Variants in SPATA13 observed in about 807,000 individuals in gnomAD.
The protein encoded by SPATA13 is spermatogenesis-associated protein 13.
Under a neutral mutation model 104.0 loss-of-function variants are expected in SPATA13, and 50 were observed. The ratio of observed to expected loss-of-function variants is 0.48; its 90% CI spans 0.38 to 0.61. The LOEUF (loss-of-function observed/expected upper bound fraction) is 0.61. Among genes scored for constraint, SPATA13 ranks in the 20% least tolerant of loss-of-function variants. SPATA13 has a pLI of 0.00. For missense variants in SPATA13, 1,524 were observed against 1,690.6 expected, an observed-to-expected ratio of 0.90 and a Z score of 1.73; for synonymous variants, 606 against 667.5, an observed-to-expected ratio of 0.91 and a Z score of 1.42.
intron 2 of SPATA13, among the ~76,000 whole-genome samples, chr13:23,984,818 TA>T (rs554387403): frequency 9.9e-4 from 151 of 152,344 alleles, no homozygotes; most frequent in African/African-American, 3.5e-3. Flanking sequence ...TGTGCATACT[TA>T]ATTAGAACAG....
intron 9 of SPATA13, among the ~76,000 whole-genome samples, chr13:24,292,686 G>A (rs544135772): frequency 6.6e-6 from 1 of 152,092 alleles, no homozygotes; most frequent in South Asian, 2.1e-4. Context: ...GAACTCCTGT[G>A]GAGAGACAGA....
chr13:24,194,697 T>G (rs1869953688), intron 1 of SPATA13, among the ~76,000 whole-genome samples: 1 of 152,214 alleles, frequency 6.6e-6, no homozygotes, highest in Non-Finnish European at 1.5e-5. Flanking sequence ...CTAACACTGT[T>G]TATTCTATGG....
In SPATA13 at chr13:24,051,260, G is replaced by A. The variant is rs1222561906; in HGVS notation, c.-112+33559G>A. Among the ~76,000 whole-genome samples the A allele has an allele frequency of 6.6e-6, 1 of 152,228 alleles. No homozygotes were observed. Among genetic ancestry groups the A allele is most frequent in the African/African-American group, 2.4e-5 (1 of 41,456 alleles). On this transcript the variant is annotated intron_variant, in intron 3 of 14. Coordinates refer to the SPATA13 transcript ENST00000424834. This position sits in a 1 kb window ranked among gnomAD's most constrained non-coding sequence, Gnocchi z 4.2. ...TCCAAGAGGACATGAACAGCAGGAAGTGATTTCCAATCACGTTGGACATGC... is the reference window on the plus strand; with the variant it reads ...TCCAAGAGGACATGAACAGCAGGAAATGATTTCCAATCACGTTGGACATGC...
In SPATA13 at chr13:24,058,398, A is replaced by G. The variant is rs1490548283; in HGVS notation, c.-112+40697A>G. ...AATCCCTTCAGCAGGGAATTCTGAT[A>G]TCTCCATTTTATGACTGAGAAAATT... On this transcript the variant is annotated intron_variant, in intron 3 of 14. Transcript: ENST00000424834. Among the ~76,000 whole-genome samples the G allele has an allele frequency of 1.3e-5, 2 of 151,900 alleles. 1 individual carries two copies. The highest frequency in any genetic ancestry group is 2.9e-5 in the Non-Finnish European group (2 of 67,894).
At chr13:24,122,750 C>T (rs1881077972) in intron 3 of SPATA13, 1 of 835,716 alleles carries the variant, frequency 1.2e-6, no homozygotes, top group Non-Finnish European at 2.1e-6. Context: ...AGCCATCTTG[C>T]TGGAAGACTT....
chr13:24,299,461 C>T (rs188231813), intron 11 of SPATA13, among the ~76,000 whole-genome samples: 1 of 152,330 alleles, frequency 6.6e-6, no homozygotes, highest in African/African-American at 2.4e-5. Flanking sequence ...GTAGAAGCTT[C>T]AGGTAGCAGA....
chr13:24,089,703 T>C (rs1879852488), intron 3 of SPATA13, among the ~76,000 whole-genome samples: 1 of 152,240 alleles, frequency 6.6e-6, no homozygotes, highest in Admixed American at 6.5e-5. Flanking sequence ...TTGTCATTTA[T>C]CTGAAATTCA....
chr13:24,028,067 A>AT (rs1877315943), intron 3 of SPATA13, among the ~76,000 whole-genome samples: 1 of 152,266 alleles, frequency 6.6e-6, no homozygotes, highest in African/African-American at 2.4e-5. Flanking sequence ...ATTTCCAAAC[A>AT]TATAGCCATA....
At chr13:24,093,090 C>T (rs1393049844) in intron 3 of SPATA13, among the ~76,000 whole-genome samples, 1 of 152,180 alleles carries the variant, frequency 6.6e-6, no homozygotes, top group Non-Finnish European at 1.5e-5. Context: ...GAATTGTTTT[C>T]CAAAGCCAAT....
At chr13:24,117,144 A>AT (rs1426093987) in intron 3 of SPATA13, among the ~76,000 whole-genome samples, 1 of 152,250 alleles carries the variant, frequency 6.6e-6, no homozygotes, top group African/African-American at 2.4e-5. Context: ...TTTTACATTT[A>AT]TAAAAACAAA....
At chr13:23,999,319 A>G (rs1875838446) in intron 2 of SPATA13, among the ~76,000 whole-genome samples, 1 of 130,022 alleles carries the variant, frequency 7.7e-6, no homozygotes, top group Non-Finnish European at 1.6e-5. Flanking sequence ...TGGTCATTCT[A>G]GGCACTTTGC....
intron 3 of SPATA13, among the ~76,000 whole-genome samples, chr13:24,091,066 A>G (rs1009190189): frequency 6.6e-6 from 1 of 152,182 alleles, no homozygotes; most frequent in Non-Finnish European, 1.5e-5. Flanking sequence ...AGACTTCCTT[A>G]CATGCATTGA....
intron 4 of SPATA13, among the ~76,000 whole-genome samples, chr13:24,280,843 A>G (rs767614674): frequency 6.6e-6 from 1 of 152,072 alleles, no homozygotes; most frequent in African/African-American, 2.4e-5. Flanking sequence ...CCAGCAAAGC[A>G]TACTAGACTA....
intron 1 of SPATA13, among the ~76,000 whole-genome samples, chr13:24,192,782 G>A (rs1869838307): frequency 6.6e-6 from 1 of 152,204 alleles, no homozygotes; most frequent in South Asian, 2.1e-4. Context: ...AGATCTTGAA[G>A]ATCTCAAGGA....
At chr13:24,167,196 C>T (rs7997351) in intron 1 of SPATA13, among the ~76,000 whole-genome samples, 1,918 of 152,252 alleles carry the variant, frequency 0.013, 37 homozygotes, top group African/African-American at 0.044. Context: ...CTGGCCATCA[C>T]GCAGGAAGTG....
intron 3 of SPATA13, among the ~76,000 whole-genome samples, chr13:24,108,403 G>A: frequency 6.6e-6 from 1 of 152,190 alleles, no homozygotes. Flanking sequence ...ACGTGTGCCT[G>A]TTTATATTTT....
chr13:24,213,211 A>G (rs1349985127), intron 1 of SPATA13, among the ~76,000 whole-genome samples: 2 of 152,124 alleles, frequency 1.3e-5, no homozygotes, highest in Non-Finnish European at 2.9e-5. Context: ...TAGGGAGGAG[A>G]GTCACAGGAT....
intron 3 of SPATA13, among the ~76,000 whole-genome samples, chr13:24,082,843 A>C (rs1312133815): frequency 6.6e-6 from 1 of 150,812 alleles, no homozygotes; most frequent in African/African-American, 2.4e-5. Flanking sequence ...AAAAAAAAAA[A>C]AAAAAAAAAA....
intron 12 of SPATA13, among the ~76,000 whole-genome samples, chr13:24,302,062 T>G (rs545006084): frequency 6.6e-6 from 1 of 152,264 alleles, no homozygotes; most frequent in East Asian, 1.9e-4. Flanking sequence ...TTAGAGCATT[T>G]TATTGCTACT....
Sources: allele counts gnomAD v4.1 joint callset (sites outside exome capture counted in the v4.1 genomes callset), GRCh38; gene constraint gnomAD v4.1.1; non-coding constraint Gnocchi (gnomAD v3.1); transcripts MANE v1.5; gene names NCBI Gene and HGNC (gene_info 2026-07-23, HGNC 2026-07-21).